The following APBA2 variants were observed in gnomAD, a reference collection of about 807,000 sequenced individuals.
APBA2 encodes the protein amyloid-beta A4 precursor protein-binding family A member 2.
APBA2 carries 30 observed loss-of-function variants against 75.0 expected under a neutral mutation model. That is an observed-to-expected ratio of 0.40 (90% confidence interval 0.30 to 0.54). The LOEUF is 0.54. Among genes scored for constraint, APBA2 ranks in the 20% least tolerant of loss-of-function variants. The pLI, the probability that APBA2 is intolerant of heterozygous loss-of-function variation, is 0.49. For synonymous variants in APBA2, 444 were observed against 409.6 expected (o/e 1.08, Z -1.01); for missense variants, 801 against 1,016.1 (o/e 0.79, Z 2.88).
At chr15:29,053,675 G>A (rs1034988130) in intron 3 of APBA2, among the ~76,000 whole-genome samples, 170 bp from the exon 4 acceptor site, 4 of 152,058 alleles carry the variant, frequency 2.6e-5, no homozygotes, top group Non-Finnish European at 4.4e-5. Context: ...GTGGATGCGT[G>A]TTGTTCTGAT....
intron 3 of APBA2, among the ~76,000 whole-genome samples, chr15:29,039,367 T>G (rs2040920173): frequency 6.6e-6 from 1 of 152,166 alleles, no homozygotes; most frequent in Non-Finnish European, 1.5e-5. Context: ...CATTCCTTCC[T>G]CAGTTCCTCC....
At chr15:28,899,862 T>C (rs1292735736) in intron 1 of APBA2, among the ~76,000 whole-genome samples, 2 of 152,238 alleles carry the variant, frequency 1.3e-5, no homozygotes, top group Non-Finnish European at 2.9e-5. Flanking sequence ...TTTAGTTTTA[T>C]TTTATTTTGC....
At chr15:28,948,083 T>G (rs1444687098) in intron 2 of APBA2, among the ~76,000 whole-genome samples, 2 of 152,196 alleles carry the variant, frequency 1.3e-5, no homozygotes, top group Non-Finnish European at 2.9e-5. Flanking sequence ...GGTGATGATG[T>G]GGTTATTCCC....
At chr15:29,105,281 G>C in intron 10 of APBA2, 98 bp from the exon 11 acceptor site, 1 of 1,264,772 alleles carries the variant, frequency 7.9e-7, no homozygotes, top group Non-Finnish European at 1.1e-6. Flanking sequence ...AGGCTTATGG[G>C]TGCATCCTGC....
At chr15:28,915,191 A>T (rs2033626231) in intron 1 of APBA2, among the ~76,000 whole-genome samples, 33 of 17,748 alleles carry the variant, frequency 1.9e-3, no homozygotes, top group East Asian at 4.9e-3. Context: ...CATATATACC[A>T]CACACCACAC....
At chr15:28,984,613 C>G (rs1403980753) in intron 2 of APBA2, among the ~76,000 whole-genome samples, 2 of 152,076 alleles carry the variant, frequency 1.3e-5, no homozygotes, top group South Asian at 2.1e-4. Flanking sequence ...GAGGCAGGGT[C>G]TCTCTGTCTC....
chr15:29,056,886 G>A (rs1026839569), intron 4 of APBA2, among the ~76,000 whole-genome samples: 34 of 152,042 alleles, frequency 2.2e-4, no homozygotes, highest in Admixed American at 7.2e-4. Flanking sequence ...AGAAAGAGCC[G>A]TAGAATTCAT....
At chr15:29,066,680 C>T (rs2042391488) in intron 4 of APBA2, among the ~76,000 whole-genome samples, 1 of 152,074 alleles carries the variant, frequency 6.6e-6, no homozygotes. Flanking sequence ...CTGAATTGTA[C>T]ACTTAAAAAT....
At chr15:28,995,499 A>G (rs2038468106) in intron 2 of APBA2, among the ~76,000 whole-genome samples, 1 of 152,238 alleles carries the variant, frequency 6.6e-6, no homozygotes, top group African/African-American at 2.4e-5. Flanking sequence ...TCAGAATGGT[A>G]CATAAGCCAT....
chr15:28,893,751 T>A (rs2032288636), intron 1 of APBA2: 1 of 152,222 alleles, frequency 6.6e-6, no homozygotes, highest in Non-Finnish European at 1.5e-5. Flanking sequence ...GGTTGGAAGC[T>A]TTGAGAGCAG....
intron 6 of APBA2, among the ~76,000 whole-genome samples, chr15:29,090,722 A>G (rs2152948016): frequency 6.6e-6 from 1 of 152,188 alleles, no homozygotes; most frequent in South Asian, 2.1e-4. Context: ...GGTCAATGAG[A>G]GCCACTGCAT....
At chr15:28,945,794 G>A (rs1002373011) in intron 2 of APBA2, among the ~76,000 whole-genome samples, 10 of 152,116 alleles carry the variant, frequency 6.6e-5, no homozygotes, top group Non-Finnish European at 1.3e-4. Flanking sequence ...GATTACAGGC[G>A]GTGCCGCTCC....
At chr15:28,889,207 C>G (rs2031966232) in intron 1 of APBA2, among the ~76,000 whole-genome samples, 1 of 152,174 alleles carries the variant, frequency 6.6e-6, no homozygotes, top group African/African-American at 2.4e-5. Flanking sequence ...ACCGTCTTTT[C>G]TCGCCTCCCC....
At chr15:29,038,353 T>G (rs2040850877) in intron 3 of APBA2, among the ~76,000 whole-genome samples, 1 of 152,168 alleles carries the variant, frequency 6.6e-6, no homozygotes. Flanking sequence ...GAACCTCAGC[T>G]ATGGAGAAGC....
chr15:28,929,320 G>A (rs1343754626), intron 2 of APBA2, among the ~76,000 whole-genome samples: 6 of 152,152 alleles, frequency 3.9e-5, no homozygotes, highest in African/African-American at 4.8e-5. Flanking sequence ...GATAAATAAC[G>A]AGGCCAAGCC....
intron 13 of APBA2, among the ~76,000 whole-genome samples, chr15:29,110,050 C>T (rs1262162576): frequency 1.3e-5 from 2 of 152,244 alleles, no homozygotes; most frequent in Non-Finnish European, 2.9e-5. Context: ...AAGCAGTTGC[C>T]CCAGCTAATT....
rs567758827 is a variant in APBA2, at chr15:28,991,341, C to T, written c.-94-4412C>T. On this transcript the variant is annotated intron_variant, in intron 2 of 14. Coordinates refer to ENST00000683413, the MANE Select transcript of APBA2 (RefSeq NM_001353788.2). The surrounding 1 kb of genome is among the most constrained non-coding windows in gnomAD (Gnocchi z 4.7). ...ATTCCAGCCACAGCTGTGGGGACAC[C>T]GCCATCTCACTGCATCCCTCTTGCT... is the stretch of plus-strand genomic sequence containing the variant. 1.6e-4 allele frequency among the ~76,000 whole-genome samples: 25 copies of T among 152,326 alleles called. No individual in the cohort carries two copies. Among genetic ancestry groups the T allele is most frequent in the Middle Eastern group, 3.4e-3 (1 of 294 alleles).
intron 6 of APBA2, among the ~76,000 whole-genome samples, chr15:29,078,309 A>T (rs189022199): frequency 6.8e-6 from 1 of 146,906 alleles, no homozygotes; most frequent in Non-Finnish European, 1.5e-5. Context: ...AATATAAAAA[A>T]AATATTAAAA....
chr15:29,084,139 T>C (rs2043192118), intron 6 of APBA2, among the ~76,000 whole-genome samples: 2 of 152,226 alleles, frequency 1.3e-5, no homozygotes, highest in African/African-American at 2.4e-5. Flanking sequence ...TTTGAAACCA[T>C]TGCCTTAGTG....
Sources: allele counts gnomAD v4.1 joint callset (sites outside exome capture counted in the v4.1 genomes callset), GRCh38; gene constraint gnomAD v4.1.1; non-coding constraint Gnocchi (gnomAD v3.1); transcripts MANE v1.5; gene names NCBI Gene and HGNC (gene_info 2026-07-23, HGNC 2026-07-21).